Variants in AUTS2 observed in about 807,000 individuals in gnomAD.
AUTS2 encodes the protein activator of transcription and developmental regulator AUTS2.
In AUTS2, 17 loss-of-function variants were observed where a neutral mutation model predicts 112.4. That is an observed-to-expected ratio of 0.15 (90% CI 0.10 to 0.23). AUTS2 has a LOEUF of 0.23. Ranked by LOEUF, AUTS2 falls within the 10% of genes least tolerant of loss-of-function variation. AUTS2 has a pLI of 1.00. For synonymous variants in AUTS2, 751 were observed against 702.7 expected (o/e 1.07, Z -1.09); for missense variants, 1,510 against 1,701.6 (o/e 0.89, Z 1.98).
chr7:69,809,471 C>T (rs771235948), intron 1 of AUTS2, among the ~76,000 whole-genome samples: 6 of 152,272 alleles, frequency 3.9e-5, no homozygotes, highest in East Asian at 1.9e-4. Context: ...TGCTTAAGAA[C>T]GGAGGAAACA....
chr7:69,661,559 A>C (rs1327074637), intron 1 of AUTS2, among the ~76,000 whole-genome samples: 1 of 152,140 alleles, frequency 6.6e-6, no homozygotes, highest in Non-Finnish European at 1.5e-5. Flanking sequence ...TATAAGCTTA[A>C]CTGGGACAGT....
At chr7:70,246,628 C>A (rs1256572285) in intron 4 of AUTS2, among the ~76,000 whole-genome samples, 1 of 151,952 alleles carries the variant, frequency 6.6e-6, no homozygotes, top group Non-Finnish European at 1.5e-5. Flanking sequence ...AAAATTCAGT[C>A]TCCCTCCCCC....
At chr7:69,602,552 C>T (rs149954743) in intron 1 of AUTS2, among the ~76,000 whole-genome samples, 2,116 of 152,232 alleles carry the variant, frequency 0.014, 24 homozygotes, top group Middle Eastern at 0.031. Context: ...TTTCCTCTCC[C>T]ACATATGATC....
At chr7:70,288,179 G>A (rs545444715) in intron 4 of AUTS2, among the ~76,000 whole-genome samples, 3 of 152,262 alleles carry the variant, frequency 2.0e-5, no homozygotes, top group South Asian at 2.1e-4. Context: ...TTGGGAGGCC[G>A]AGGCGAGTGG....
chr7:69,999,258 G>C (rs1037961315), intron 2 of AUTS2, among the ~76,000 whole-genome samples: 1 of 152,100 alleles, frequency 6.6e-6, no homozygotes, highest in East Asian at 1.9e-4. Flanking sequence ...TGATTGCTAG[G>C]TGTAGAAAAA....
intron 4 of AUTS2, among the ~76,000 whole-genome samples, chr7:70,327,061 G>A (rs1168088382): frequency 6.6e-6 from 1 of 151,878 alleles, no homozygotes; most frequent in Non-Finnish European, 1.5e-5. Flanking sequence ...GGGATTACAG[G>A]TGCCTGCCAC....
At chr7:69,701,979 T>G (rs1797834546) in intron 1 of AUTS2, among the ~76,000 whole-genome samples, 1 of 152,190 alleles carries the variant, frequency 6.6e-6, no homozygotes. Context: ...AGTTGCCAAT[T>G]GTCCCTAGGT....
At chr7:69,749,310 T>A (rs1252743853) in intron 1 of AUTS2, among the ~76,000 whole-genome samples, 1 of 152,202 alleles carries the variant, frequency 6.6e-6, no homozygotes, top group Non-Finnish European at 1.5e-5. Flanking sequence ...CTTCAGTGGC[T>A]TTTAGATTTA....
intron 2 of AUTS2, among the ~76,000 whole-genome samples, chr7:69,958,342 T>G (rs934951941): frequency 3.9e-5 from 6 of 152,140 alleles, no homozygotes; most frequent in Non-Finnish European, 8.8e-5. Context: ...TTCTGGCCCT[T>G]TACTGAAAAC....
intron 6 of AUTS2, chr7:70,729,177 C>T (rs868243593): frequency 4.2e-5 from 19 of 456,448 alleles, no homozygotes; most frequent in African/African-American, 3.4e-4. Flanking sequence ...CTTTGGAGAC[C>T]TGTGCCGGGG....
At chr7:70,319,067 T>A (rs532956509) in intron 4 of AUTS2, among the ~76,000 whole-genome samples, 3 of 152,216 alleles carry the variant, frequency 2.0e-5, no homozygotes, top group Admixed American at 6.5e-5. Context: ...CCAGTTCATT[T>A]AAGTTTTACA....
At chr7:70,067,140 A>T (rs1802534566) in intron 2 of AUTS2, among the ~76,000 whole-genome samples, 1 of 152,208 alleles carries the variant, frequency 6.6e-6, no homozygotes, top group African/African-American at 2.4e-5. Flanking sequence ...TTAACTTATG[A>T]TGCATTTTGG....
chr7:70,698,530 G>A, intron 5 of AUTS2, 39 bp from the exon 6 acceptor site: 1 of 1,545,230 alleles, frequency 6.5e-7, no homozygotes, highest in Non-Finnish European at 8.9e-7. Context: ...CAATATTAAT[G>A]ACAATAATAA....
intron 1 of AUTS2, among the ~76,000 whole-genome samples, chr7:69,703,987 A>G (rs1271251899): frequency 2.0e-5 from 3 of 152,200 alleles, no homozygotes; most frequent in Non-Finnish European, 4.4e-5. Flanking sequence ...GGGAGGTCAC[A>G]ACGTCCTGGC....
At chr7:70,704,604 A>C (rs1053933484) in intron 6 of AUTS2, among the ~76,000 whole-genome samples, 1 of 152,230 alleles carries the variant, frequency 6.6e-6, no homozygotes, top group African/African-American at 2.4e-5. Flanking sequence ...TGGTTGTCTC[A>C]GAAAGTAATA....
rs919830523 is a variant in AUTS2, at chr7:70,142,050, C to A, written c.660+7479C>A. Among the ~76,000 whole-genome samples, 10 of 152,210 alleles carry A rather than the reference C, an allele frequency of 6.6e-5. No individual in the cohort carries two copies. The South Asian group carries it at 1.5e-3, about 22-fold the overall frequency. ...TCCAGTTGCAACCAATAATTTTAAC[C>A]CTTTCATTTTCTCAACATTTAAATG... On this transcript the variant is annotated intron_variant, in intron 4 of 18. Transcript: ENST00000342771.
At chr7:70,726,805 G>C (rs1301988324) in intron 6 of AUTS2, among the ~76,000 whole-genome samples, 1 of 152,218 alleles carries the variant, frequency 6.6e-6, no homozygotes, top group African/African-American at 2.4e-5. Context: ...TGTATTGAGA[G>C]TGGATCTGGC....
intron 4 of AUTS2, among the ~76,000 whole-genome samples, chr7:70,300,131 C>A (rs1789140601): frequency 6.6e-6 from 1 of 152,138 alleles, no homozygotes; most frequent in South Asian, 2.1e-4. Context: ...GCTGTTATCA[C>A]CTAGGGCAGG....
intron 4 of AUTS2, among the ~76,000 whole-genome samples, chr7:70,242,371 T>A (rs2129600747): frequency 6.6e-6 from 1 of 152,244 alleles, no homozygotes; most frequent in Middle Eastern, 3.4e-3. Context: ...CATCTTTGGC[T>A]CTCCTCTCTC....
Sources: gnomAD v4.1 joint callset for allele counts (sites outside exome capture counted in the v4.1 genomes callset) on GRCh38, gnomAD v4.1.1 for gene constraint, MANE v1.5 for transcripts, NCBI Gene and HGNC (gene_info 2026-07-23, HGNC 2026-07-21) for gene names.